The following RGP1 variants were observed in gnomAD, a reference collection of about 807,000 sequenced individuals.
RGP1 encodes RAB6A-GEF complex partner protein 2.
A neutral mutation model predicts 44.5 loss-of-function variants in RGP1; 28 were observed. The ratio of observed to expected loss-of-function variants is 0.63; its 90% CI spans 0.47 to 0.86. RGP1 has a LOEUF of 0.86. Ranked by LOEUF, RGP1 falls within the 40% of genes least tolerant of loss-of-function variation. RGP1 has a pLI of 0.00. For synonymous variants in RGP1, 212 were observed against 196.7 expected (o/e 1.08, Z -0.65); for missense variants, 417 against 490.7 (o/e 0.85, Z 1.42).
chr9:35,759,073 T>A (rs533034073), downstream of RGP1, among the ~76,000 whole-genome samples: 1 of 152,354 alleles, frequency 6.6e-6, no homozygotes, highest in Non-Finnish European at 1.5e-5. Context: ...AAGATGCTTA[T>A]GTTTCCATTA....
At position 35,751,412 on chromosome 9, in the gene RGP1, C is replaced by T. The variant is rs761175787; in HGVS notation, c.634C>T (p.His212Tyr). ...LMAATSCRSL[H>Y]LYNISDGRGK... ...GGCTGCCACATCCTGCCGCAGCCTC[C>T]GTGAGAATTCTTTCAGAATTGTCCT... Residue 212 changes from histidine to tyrosine, a missense_variant and splice_region_variant, in exon 6 of 9, where the codon CAT becomes TAT. By Grantham distance (83) the His-to-Tyr change is moderately conservative. Coordinates refer to ENST00000378078, the MANE Select transcript of RGP1 (RefSeq NM_001080496.3). 20 of 1,613,848 alleles carry T rather than the reference C, an allele frequency of 1.2e-5. No individual in the cohort carries two copies. The highest frequency in any genetic ancestry group is 3.3e-5 in the Admixed American group (2 of 60,000).
chr9:35,753,513 T>C lies in RGP1; in HGVS notation c.*639T>C. On this transcript the variant is annotated 3_prime_UTR_variant, in exon 9 of 9. Transcript: ENST00000378078. The surrounding 1 kb of genome is among the most constrained non-coding windows in gnomAD (Gnocchi z 4.2). ...TGATTTATAGCCTGAAGCCTTATCT[T>C]TCACACTAGTGTTGGTCCCTTCAGG... is the stretch of plus-strand genomic sequence containing the variant. The C allele has an allele frequency of 2.5e-6, 2 of 786,674 alleles. No homozygotes were observed. The highest frequency in any genetic ancestry group is 2.6e-4 in the Middle Eastern group (1 of 3,868). 48.7% of individuals were successfully genotyped at this position (786,674 alleles called of 1,614,324 possible). A position where few individuals can be genotyped will look rare whatever the true frequency, so the allele number is the denominator to read the frequency against.
chr9:35,780,226 CA>C, the RGP1 span: 1 of 152,170 alleles, frequency 6.6e-6, no homozygotes, highest in African/African-American at 2.4e-5. Context: ...AGAGGAGAAG[CA>C]GAATCAATAG....
Position 35,750,745 on chromosome 9 carries a change from A to G in RGP1, c.337+4A>G. On this transcript the variant is annotated splice_donor_region_variant and intron_variant, in intron 4 of 8. Coordinates refer to ENST00000378078, the MANE Select transcript of RGP1 (RefSeq NM_001080496.3). ...GATCCTGGAGAGTCCAAATCATGTG[A>G]GTGATTGTCCCCATCCCTGAATTGC... is the stretch of plus-strand genomic sequence containing the variant. 1 of 1,613,772 alleles carries G rather than the reference A, an allele frequency of 6.2e-7. No individual in the cohort carries two copies. Among genetic ancestry groups the G allele is most frequent in the Non-Finnish European group, 8.5e-7 (1 of 1,179,778 alleles).
rs922380116 is a variant in RGP1 at position 35,752,062 on chromosome 9, A to T, written c.869A>T (p.Gln290Leu). The T allele has an allele frequency of 6.2e-7, 1 of 1,611,114 alleles. No homozygotes were observed. The highest frequency in any genetic ancestry group is 8.5e-7 in the Non-Finnish European group (1 of 1,178,452). Residue 290 changes from glutamine to leucine, a missense_variant, in exon 8 of 9, where the codon CAG (glutamine) becomes CTG (leucine). Transcript: ENST00000378078. ...SVSHVTHARHQESCLHTTRTS... is the reference protein window; with the variant it reads ...SVSHVTHARHLESCLHTTRTS... ...TCACATGTGACTCACGCCCGGCACC[A>T]GGAATCCTGCCTACATACAACTAGA...
At chr9:35,766,063 C>T in the RGP1 span, among the ~76,000 whole-genome samples, 1 of 149,814 alleles carries the variant, frequency 6.7e-6, no homozygotes, top group Non-Finnish European at 1.5e-5. Context: ...TCGATCTGAC[C>T]TTGTGATCTG....
intron 2 of RGP1, 91 bp from the exon 3 acceptor site, chr9:35,750,152 C>G: frequency 6.6e-7 from 1 of 1,507,620 alleles, no homozygotes; most frequent in South Asian, 1.3e-5. Flanking sequence ...GCCATCTAAC[C>G]TTGTTGGTTA....
Position 35,754,728 on chromosome 9 carries a change from C to T in RGP1, c.*1854C>T, listed in dbSNP as rs1827332724. On this transcript the variant is annotated 3_prime_UTR_variant, in exon 9 of 9. Coordinates refer to ENST00000378078, the MANE Select transcript of RGP1 (RefSeq NM_001080496.3). ...GAAGCTCCAGGAGAGTGAGCAGGCA[C>T]CTGGAGTGGAGACTGTGTTTCCCTC... The T allele has an allele frequency of 6.6e-6, 1 of 152,250 alleles. No homozygotes were observed. Among genetic ancestry groups the T allele is most frequent in the East Asian group, 1.9e-4 (1 of 5,194 alleles). The allele number at this position is 152,250 out of a possible 1,614,324, so 9.4% of individuals were successfully genotyped here.
At position 35,758,075 on chromosome 9, in the gene RGP1, A is replaced by T. The variant is rs1057294691; in HGVS notation, c.*5201A>T. On this transcript the variant is annotated 3_prime_UTR_variant, in exon 9 of 9. Transcript: ENST00000378078. ...GACTTGATTGAATTCTTTGTGGCTG[A>T]TGCCTCAGTTTTTCTGGATCAGTAG... 1.3e-5 allele frequency: 2 copies of T among 152,140 alleles called. No homozygotes were observed. Among genetic ancestry groups the T allele is most frequent in the Non-Finnish European group, 2.9e-5 (2 of 68,030 alleles). 9.4% of individuals were successfully genotyped at this position (152,140 alleles called of 1,614,324 possible). A position where few individuals can be genotyped will look rare whatever the true frequency, so the allele number is the denominator to read the frequency against.
Position 35,751,976 on chromosome 9 carries a change from C to T in RGP1, c.783C>T (p.Thr261=), listed in dbSNP as rs570413538. 1.6e-5 allele frequency: 25 copies of T among 1,582,680 alleles called. No individual in the cohort carries two copies. In the South Asian group the frequency reaches 2.3e-4, roughly 15 times the overall value. ...CCCAGTTTTCAGTCAGCTTACAGAC[C>T]GAGGAGCGTGTACAGCCTGAGTACC... ...ACLQFSVSLQ[T]EERVQPEYQR... The change falls in exon 8 of 9, where the codon ACC becomes ACT. Residue 261 remains threonine, a synonymous_variant. Coordinates refer to ENST00000378078, the MANE Select transcript of RGP1 (RefSeq NM_001080496.3).
chr9:35,779,301 A>G, the RGP1 span, among the ~76,000 whole-genome samples: 1 of 152,196 alleles, frequency 6.6e-6, no homozygotes, highest in Non-Finnish European at 1.5e-5. Context: ...CCTAGCAGGG[A>G]GTACTTTTCC....
At position 35,754,207 on chromosome 9, in the gene RGP1, C is replaced by T. The variant is rs762805315; in HGVS notation, c.*1333C>T. 4.7e-5 allele frequency: 72 copies of T among 1,528,486 alleles called. No individual in the cohort carries two copies. Among genetic ancestry groups the T allele is most frequent in the Middle Eastern group, 4.1e-4 (2 of 4,848 alleles). The allele number at this position is 1,528,486 out of a possible 1,614,324, so 94.7% of individuals were successfully genotyped here. A position where few individuals can be genotyped will look rare whatever the true frequency, so the allele number is the denominator to read the frequency against. On this transcript the variant is annotated 3_prime_UTR_variant, in exon 9 of 9. Coordinates refer to ENST00000378078, the MANE Select transcript of RGP1 (RefSeq NM_001080496.3). ...GTCTTGACTCCTTGACTTTGCTTTG[C>T]GTTGCTCCTTGAGTCTTAGTTTCTG...
the RGP1 span, among the ~76,000 whole-genome samples, chr9:35,788,472 A>G: frequency 6.6e-6 from 1 of 152,064 alleles, no homozygotes; most frequent in South Asian, 2.1e-4. Flanking sequence ...AGGCTGAGGC[A>G]GGAGAATCAC....
the RGP1 span, among the ~76,000 whole-genome samples, chr9:35,768,146 C>G: frequency 6.7e-6 from 1 of 149,338 alleles, no homozygotes; most frequent in Non-Finnish European, 1.5e-5. Context: ...CTCTGTCGCT[C>G]TGATGCAGTG....
At position 35,751,428 on chromosome 9, in the gene RGP1, G is replaced by A. The variant is rs1476084711; in HGVS notation, c.634+16G>A. 1 of 1,613,790 alleles carries A rather than the reference G, an allele frequency of 6.2e-7. No individual in the cohort carries two copies. The highest frequency in any genetic ancestry group is 8.5e-7 in the Non-Finnish European group (1 of 1,179,852). On this transcript the variant is annotated intron_variant, in intron 6 of 8. Coordinates refer to ENST00000378078, the MANE Select transcript of RGP1 (RefSeq NM_001080496.3). ...CGCAGCCTCCGTGAGAATTCTTTCA[G>A]AATTGTCCTACCCCATCCTTCCCCT...
chr9:35,750,875 C>T lies in RGP1; in HGVS notation c.373C>T (p.Pro125Ser), dbSNP rs761023329. 1 of 1,613,892 alleles carries T rather than the reference C, an allele frequency of 6.2e-7. No individual in the cohort carries two copies. The part of the protein sequence containing the change: ...YSEVLPIEGP[P>S]SFRGQSVKYV... ...TGAAGTGCTGCCCATAGAGGGACCA[C>T]CCTCCTTTCGGGGTCAGTCAGTCAA... The change falls in exon 5 of 9, where the codon CCC (proline) becomes TCC (serine). Residue 125 changes from proline to serine, a missense_variant. Transcript: ENST00000378078.
chr9:35,778,878 A>G, the RGP1 span, among the ~76,000 whole-genome samples: 1 of 152,188 alleles, frequency 6.6e-6, no homozygotes. Flanking sequence ...CATGGCTTTC[A>G]TCTGATGTTC....
At chr9:35,777,940 T>C in the RGP1 span, among the ~76,000 whole-genome samples, 5 of 152,210 alleles carry the variant, frequency 3.3e-5, no homozygotes, top group Non-Finnish European at 5.9e-5. Flanking sequence ...TTGTTTATGA[T>C]TAAGATTCAT....
At position 35,754,322 on chromosome 9, in the gene RGP1, C is replaced by T. The variant is rs1827326707; in HGVS notation, c.*1448C>T. On this transcript the variant is annotated 3_prime_UTR_variant, in exon 9 of 9. Coordinates refer to ENST00000378078, the MANE Select transcript of RGP1 (RefSeq NM_001080496.3). ...GTTTATAAAGTGAGGACCCTGGCCC[C>T]CTGCTGAGTAGAGCTGGAAAAGTTG... is the stretch of plus-strand genomic sequence containing the variant. The T allele has an allele frequency of 5.0e-6, 3 of 598,794 alleles. No homozygotes were observed. The highest frequency in any genetic ancestry group is 6.0e-5 in the South Asian group (2 of 33,490). The allele number at this position is 598,794 out of a possible 1,614,324, so 37.1% of individuals were successfully genotyped here.
Sources: allele counts gnomAD v4.1 joint callset (sites outside exome capture counted in the v4.1 genomes callset), GRCh38; gene constraint gnomAD v4.1.1; non-coding constraint Gnocchi (gnomAD v3.1); transcripts MANE v1.5; gene names NCBI Gene and HGNC (gene_info 2026-07-23, HGNC 2026-07-21).